The following TAFA1 variants were observed in gnomAD, a reference collection of about 807,000 sequenced individuals.
TAFA1 encodes chemokine-like protein TAFA-1.
Under a neutral mutation model 18.5 loss-of-function variants are expected in TAFA1, and 4 were observed. The ratio of observed to expected loss-of-function variants is 0.22; its 90% CI spans 0.11 to 0.49. The LOEUF is 0.49. Ranked by LOEUF, TAFA1 falls within the 20% of genes least tolerant of loss-of-function variation. The pLI is 0.98. For missense variants in TAFA1, 147 were observed against 169.0 expected, an observed-to-expected ratio of 0.87 and a Z score of 0.72; for synonymous variants, 56 against 55.2, an observed-to-expected ratio of 1.01 and a Z score of -0.06.
At chr3:68,028,214 C>T (rs965014346) in intron 2 of TAFA1, among the ~76,000 whole-genome samples, 3 of 152,050 alleles carry the variant, frequency 2.0e-5, no homozygotes, top group African/African-American at 7.2e-5. Flanking sequence ...GCAGGAGAAT[C>T]GCTTGAGCCT....
rs75188285 is a variant in TAFA1, at chr3:68,296,653, T to C, written c.119-120627T>C. On this transcript the variant is annotated intron_variant, in intron 2 of 4. Coordinates refer to ENST00000478136, the MANE Select transcript of TAFA1 (RefSeq NM_213609.4). ...GGTCTCTCTTGAAGTGACTAGTCTCTATGGATACACTTCCTGTTTCAACAT... is the reference window on the plus strand; with the variant it reads ...GGTCTCTCTTGAAGTGACTAGTCTCCATGGATACACTTCCTGTTTCAACAT... Among the ~76,000 whole-genome samples the C allele has an allele frequency of 3.0e-3, 456 of 152,282 alleles. 1 individual carries two copies. The highest frequency in any genetic ancestry group is 4.7e-3 in the Non-Finnish European group (321 of 68,036).
At chr3:68,238,372 T>C (rs1225675582) in intron 2 of TAFA1, among the ~76,000 whole-genome samples, 3 of 152,200 alleles carry the variant, frequency 2.0e-5, no homozygotes, top group Non-Finnish European at 4.4e-5. Flanking sequence ...ATTGGTTACA[T>C]GAACTGAATA....
chr3:68,212,713 A>C (rs2107071166), intron 2 of TAFA1, among the ~76,000 whole-genome samples: 2 of 152,166 alleles, frequency 1.3e-5, no homozygotes, highest in African/African-American at 4.8e-5. Context: ...TATGCCAATC[A>C]GTTTTTTAAA....
chr3:68,363,513 ATGGG>A (rs2069511722), intron 2 of TAFA1, among the ~76,000 whole-genome samples: 3 of 152,230 alleles, frequency 2.0e-5, no homozygotes, highest in Non-Finnish European at 4.4e-5. Flanking sequence ...TACATGGAAA[ATGGG>A]AATTCAAAGT....
intron 2 of TAFA1, among the ~76,000 whole-genome samples, chr3:68,416,603 C>T (rs904265305): frequency 1.3e-5 from 2 of 152,122 alleles, no homozygotes; most frequent in Admixed American, 6.6e-5. Context: ...CTGCTAAGAT[C>T]GTAGTGGAGA....
intron 2 of TAFA1, among the ~76,000 whole-genome samples, chr3:68,306,149 A>G (rs35881856): frequency 0.47 from 71,184 of 152,132 alleles, 17,762 homozygotes; most frequent in Non-Finnish European, 0.54. Flanking sequence ...CAAAAGGAAG[A>G]TCAGGTGTTA....
At chr3:68,277,624 G>C (rs1165226391) in intron 2 of TAFA1, among the ~76,000 whole-genome samples, 1 of 152,102 alleles carries the variant, frequency 6.6e-6, no homozygotes, top group Non-Finnish European at 1.5e-5. Context: ...ACCCCAAGAT[G>C]CAAAAGATAG....
intron 2 of TAFA1, among the ~76,000 whole-genome samples, chr3:68,268,772 C>G (rs2067599332): frequency 6.6e-6 from 1 of 152,070 alleles, no homozygotes; most frequent in African/African-American, 2.4e-5. Flanking sequence ...AACTCACATG[C>G]TCCCTGCACT....
chr3:68,252,718 C>G (rs1282708898), intron 2 of TAFA1, among the ~76,000 whole-genome samples: 2 of 152,152 alleles, frequency 1.3e-5, no homozygotes, highest in Non-Finnish European at 2.9e-5. Flanking sequence ...TATGTTATTG[C>G]CCAGCTACTT....
chr3:68,427,169 G>A (rs2071072821), intron 3 of TAFA1, among the ~76,000 whole-genome samples: 1 of 151,784 alleles, frequency 6.6e-6, no homozygotes, highest in Admixed American at 6.6e-5. Context: ...CCCCAAAGTA[G>A]CCCCCAAGTC....
intron 2 of TAFA1, among the ~76,000 whole-genome samples, chr3:68,417,070 T>A (rs1208724404): frequency 1.3e-5 from 2 of 152,192 alleles, no homozygotes; most frequent in African/African-American, 4.8e-5. Context: ...TTGAGGGCTA[T>A]CCATTGGTAT....
At chr3:68,070,429 T>G (rs914848456) in intron 2 of TAFA1, among the ~76,000 whole-genome samples, 5 of 152,166 alleles carry the variant, frequency 3.3e-5, no homozygotes, top group African/African-American at 1.2e-4. Flanking sequence ...TGGCCAAGCC[T>G]AGGAAACCAT....
intron 3 of TAFA1, among the ~76,000 whole-genome samples, chr3:68,499,106 TACTC>T (rs908081387): frequency 2.0e-5 from 3 of 152,156 alleles, no homozygotes; most frequent in African/African-American, 7.2e-5. Context: ...GATTTTTCCT[TACTC>T]TTTTAAAGCA....
intron 2 of TAFA1, among the ~76,000 whole-genome samples, chr3:68,185,719 G>A (rs969731374): frequency 2.6e-5 from 4 of 151,810 alleles, no homozygotes; most frequent in Non-Finnish European, 5.9e-5. Flanking sequence ...AGACCAGCCT[G>A]GGCAACATAA....
intron 3 of TAFA1, among the ~76,000 whole-genome samples, chr3:68,537,422 A>G (rs986508425): frequency 2.0e-5 from 3 of 152,196 alleles, no homozygotes; most frequent in Non-Finnish European, 2.9e-5. Flanking sequence ...ACAGGTTATG[A>G]TGGTAAATCA....
intron 2 of TAFA1, among the ~76,000 whole-genome samples, chr3:68,280,243 A>T (rs2067874516): frequency 6.6e-6 from 1 of 152,180 alleles, no homozygotes; most frequent in South Asian, 2.1e-4. Context: ...TATAACACTG[A>T]TACTGGACTG....
At chr3:68,058,127 G>T (rs904966027) in intron 2 of TAFA1, among the ~76,000 whole-genome samples, 1 of 152,136 alleles carries the variant, frequency 6.6e-6, no homozygotes, top group Non-Finnish European at 1.5e-5. Context: ...ACTTCTGCTG[G>T]AACTATAGTA....
chr3:68,104,709 G>A (rs1413251555), intron 2 of TAFA1, among the ~76,000 whole-genome samples: 1 of 151,994 alleles, frequency 6.6e-6, no homozygotes, highest in Non-Finnish European at 1.5e-5. Context: ...AAGCTCATTT[G>A]TTTACACATT....
intron 2 of TAFA1, among the ~76,000 whole-genome samples, chr3:68,153,017 G>T (rs1282591960): frequency 6.6e-6 from 1 of 152,136 alleles, no homozygotes; most frequent in Non-Finnish European, 1.5e-5. Flanking sequence ...CCAAAGGGAA[G>T]TTGAGTCTTA....
Sources: gnomAD v4.1 joint callset for allele counts (sites outside exome capture counted in the v4.1 genomes callset) on GRCh38, gnomAD v4.1.1 for gene constraint, MANE v1.5 for transcripts, NCBI Gene and HGNC (gene_info 2026-07-23, HGNC 2026-07-21) for gene names.